Variants in CPNE8 observed in about 807,000 individuals in gnomAD.
The protein encoded by CPNE8 is copine 8.
CPNE8 carries 45 observed loss-of-function variants against 81.5 expected under a neutral mutation model. That is an observed-to-expected ratio of 0.55 (90% CI 0.44 to 0.71). CPNE8 has a LOEUF of 0.71. CPNE8 is among the 30% of genes least tolerant of loss of function. The pLI is 0.00. For synonymous variants in CPNE8, 252 were observed against 226.3 expected (o/e 1.11, Z -1.02); for missense variants, 594 against 672.1 (o/e 0.88, Z 1.28).
Position 38,653,878 on chromosome 12 carries a change from A to G in CPNE8, c.*4T>C. ...GTAGTTGACATTAGCATTTCAGAGC[A>G]CAGTCATATTTGAGTCTGTAACACA... On this transcript the variant is annotated 3_prime_UTR_variant, in exon 20 of 20. Transcript: ENST00000331366. 6.2e-7 allele frequency: 1 copy of G among 1,609,994 alleles called. No individual in the cohort carries two copies. Among genetic ancestry groups the G allele is most frequent in the South Asian group, 1.1e-5 (1 of 89,976 alleles).
At chr12:38,693,152 C>T (rs1211312289) in intron 15 of CPNE8, among the ~76,000 whole-genome samples, 2 of 152,146 alleles carry the variant, frequency 1.3e-5, no homozygotes, top group Non-Finnish European at 2.9e-5. Context: ...GGAGACATAT[C>T]AGCCCCAGAA....
intron 13 of CPNE8, among the ~76,000 whole-genome samples, chr12:38,721,914 A>G (rs946517970): frequency 6.6e-6 from 1 of 152,186 alleles, no homozygotes; most frequent in African/African-American, 2.4e-5. Flanking sequence ...TGCAGCAGCC[A>G]GCATGTCTGA....
At chr12:38,670,048 T>C (rs1324365251) in intron 19 of CPNE8, among the ~76,000 whole-genome samples, 1 of 152,216 alleles carries the variant, frequency 6.6e-6, no homozygotes, top group South Asian at 2.1e-4. Context: ...TTTGAAAACC[T>C]GTTGACTGTC....
intron 11 of CPNE8, among the ~76,000 whole-genome samples, chr12:38,729,301 C>T (rs184894936): frequency 3.9e-5 from 6 of 152,092 alleles, no homozygotes; most frequent in Non-Finnish European, 5.9e-5. Context: ...AATGCATAAT[C>T]TTTGTCTCTT....
intron 19 of CPNE8, among the ~76,000 whole-genome samples, chr12:38,665,826 C>A (rs60810093): frequency 0.036 from 5,411 of 152,072 alleles, 303 homozygotes; most frequent in African/African-American, 0.12. Flanking sequence ...AGTCTCATTG[C>A]CTCAATATTT....
rs1422388518 is a variant in CPNE8, at chr12:38,693,743, C to A, written c.1057G>T (p.Asp353Tyr). ...ALKAVGEIVQ[D>Y]YDSDKMFPAL... ...GGAAACATTTTATCACTGTCATAAT[C>A]TTGAACAATTTCTCCCACTGCTTTT... is the stretch of plus-strand genomic sequence containing the variant. The change falls in exon 15 of 20, where the codon GAT becomes TAT. Residue 353 changes from aspartate to tyrosine, a missense_variant. By Grantham distance (160) the Asp-to-Tyr change is radical. Coordinates refer to ENST00000331366, the MANE Select transcript of CPNE8 (RefSeq NM_153634.3). 1.9e-6 allele frequency: 3 copies of A among 1,613,740 alleles called. No individual in the cohort carries two copies. The highest frequency in any genetic ancestry group is 1.7e-5 in the Admixed American group (1 of 59,984).
At chr12:38,898,816 CTT>C (rs941280074) in intron 1 of CPNE8, among the ~76,000 whole-genome samples, 2 of 152,186 alleles carry the variant, frequency 1.3e-5, no homozygotes, top group Non-Finnish European at 2.9e-5. Context: ...GACACTCTCT[CTT>C]GGAATCTAAC....
rs962185455 is a variant in CPNE8, at chr12:38,837,631, G to T, written c.330+2285C>A. On this transcript the variant is annotated intron_variant, in intron 5 of 19. Coordinates refer to ENST00000331366, the MANE Select transcript of CPNE8 (RefSeq NM_153634.3). ...CAGATAATGGGTAAACAGGGAGGCT[G>T]GAGAAGCAGCAAGGGAGAGGTTTCT... is the stretch of plus-strand genomic sequence containing the variant. 5.9e-5 allele frequency among the ~76,000 whole-genome samples: 9 copies of T among 152,168 alleles called. No homozygotes were observed. In the South Asian group the frequency reaches 1.5e-3, roughly 25 times the overall value.
intron 3 of CPNE8, among the ~76,000 whole-genome samples, chr12:38,850,183 C>A (rs1202018948): frequency 6.6e-6 from 1 of 152,166 alleles, no homozygotes; most frequent in Non-Finnish European, 1.5e-5. Flanking sequence ...CTCCACCCTC[C>A]CACTGTTCCT....
At chr12:38,847,986 A>C (rs2137056051) in intron 4 of CPNE8, among the ~76,000 whole-genome samples, 1 of 152,254 alleles carries the variant, frequency 6.6e-6, no homozygotes, top group South Asian at 2.1e-4. Context: ...CTGTGGAAAA[A>C]AAACTCTATA....
intron 6 of CPNE8, among the ~76,000 whole-genome samples, chr12:38,810,558 C>T (rs535611561): frequency 6.6e-6 from 1 of 152,216 alleles, no homozygotes; most frequent in East Asian, 1.9e-4. Flanking sequence ...ACATGTTCTT[C>T]AAAATTCTCC....
intron 6 of CPNE8, among the ~76,000 whole-genome samples, chr12:38,794,004 C>T (rs2136935747): frequency 6.6e-6 from 1 of 152,184 alleles, no homozygotes; most frequent in Admixed American, 6.5e-5. Context: ...GGTGGGAAAA[C>T]TATCCACATG....
chr12:38,874,402 G>T, intron 2 of CPNE8, 69 bp downstream of exon 2: 2 of 1,143,530 alleles, frequency 1.7e-6, no homozygotes, highest in Non-Finnish European at 2.6e-6. Context: ...CTTTAAACAA[G>T]AACTATGAGT....
chr12:38,698,966 C>A (rs1027604631), intron 14 of CPNE8, among the ~76,000 whole-genome samples: 2 of 152,136 alleles, frequency 1.3e-5, no homozygotes, highest in Non-Finnish European at 2.9e-5. Flanking sequence ...AAATAAATTT[C>A]ATATTAATTT....
intron 10 of CPNE8, among the ~76,000 whole-genome samples, chr12:38,759,091 A>T (rs1480039370): frequency 6.6e-6 from 1 of 152,198 alleles, no homozygotes; most frequent in East Asian, 1.9e-4. Context: ...CTGTTACATT[A>T]GGATTAGAGA....
chr12:38,713,703 C>A (rs1940317989), intron 13 of CPNE8, among the ~76,000 whole-genome samples: 1 of 152,124 alleles, frequency 6.6e-6, no homozygotes, highest in South Asian at 2.1e-4. Context: ...TGTGTTCAGA[C>A]CTATAAAAAT....
chr12:38,787,788 A>G (rs1592088361), intron 6 of CPNE8, among the ~76,000 whole-genome samples: 3 of 151,790 alleles, frequency 2.0e-5, no homozygotes, highest in Non-Finnish European at 4.4e-5. Context: ...CAGAAATTCA[A>G]AGAATCATTA....
intron 3 of CPNE8, among the ~76,000 whole-genome samples, chr12:38,871,563 G>A (rs2137102961): frequency 6.6e-6 from 1 of 152,296 alleles, no homozygotes; most frequent in South Asian, 2.1e-4. Context: ...ACTAAGGTAG[G>A]AGAATTGTTG....
At chr12:38,654,467 A>G (rs1439059305) in intron 19 of CPNE8, among the ~76,000 whole-genome samples, 4 of 144,736 alleles carry the variant, frequency 2.8e-5, no homozygotes, top group South Asian at 4.4e-4. Flanking sequence ...GTGAGCCGAG[A>G]TCATGCCACT....
Sources: gnomAD v4.1 joint callset for allele counts (sites outside exome capture counted in the v4.1 genomes callset) on GRCh38, gnomAD v4.1.1 for gene constraint, MANE v1.5 for transcripts, NCBI Gene and HGNC (gene_info 2026-07-23, HGNC 2026-07-21) for gene names.